BACH2: variants seen among roughly 807,000 people sequenced by gnomAD.
BACH2 encodes BACH transcriptional regulator 2, also known as transcription regulator protein BACH2.
A neutral mutation model predicts 61.8 loss-of-function variants in BACH2; 5 were observed. The observed-to-expected ratio is 0.08, with a 90% CI of 0.04 to 0.17. The LOEUF (loss-of-function observed/expected upper bound fraction) is 0.17, where lower values mean the gene tolerates loss of function less well. Among genes scored for constraint, BACH2 ranks in the 10% least tolerant of loss-of-function variants. The pLI is 1.00. For missense variants in BACH2, 824 were observed against 1,091.1 expected (o/e 0.76, Z 3.45); for synonymous variants, 446 against 440.1 (o/e 1.01, Z -0.17).
chr6:89,986,027 G>C (rs975941697), intron 6 of BACH2, among the ~76,000 whole-genome samples: 4 of 152,166 alleles, frequency 2.6e-5, no homozygotes, highest in Non-Finnish European at 5.9e-5. Context: ...GACTTGTAAG[G>C]CTTTCTTAAG....
chr6:90,025,846 A>G (rs1778606924), intron 5 of BACH2, among the ~76,000 whole-genome samples: 1 of 152,230 alleles, frequency 6.6e-6, no homozygotes, highest in Non-Finnish European at 1.5e-5. Flanking sequence ...ACCCTTCTCC[A>G]TGGGGAAATC....
At chr6:90,028,427 G>A (rs866926839) in intron 5 of BACH2, among the ~76,000 whole-genome samples, 5 of 152,110 alleles carry the variant, frequency 3.3e-5, no homozygotes, top group African/African-American at 1.2e-4. Flanking sequence ...CTCCCATTAC[G>A]GGCTTTTCCT....
At chr6:90,271,592 GAC>G (rs764155594) in intron 2 of BACH2, among the ~76,000 whole-genome samples, 43 of 152,186 alleles carry the variant, frequency 2.8e-4, no homozygotes, top group Middle Eastern at 3.4e-3. Context: ...GACATGAACA[GAC>G]AATTCTCAAA....
At chr6:90,296,314 A>C (rs1582579056) in intron 1 of BACH2, among the ~76,000 whole-genome samples, 166 bp downstream of exon 1, 1 of 151,236 alleles carries the variant, frequency 6.6e-6, no homozygotes, top group African/African-American at 2.4e-5. Context: ...ATGCCATAAA[A>C]GCGGGCAGGG....
intron 4 of BACH2, among the ~76,000 whole-genome samples, chr6:90,169,924 G>A (rs1767755207): frequency 6.6e-6 from 1 of 151,918 alleles, no homozygotes; most frequent in Non-Finnish European, 1.5e-5. Flanking sequence ...GGAATTGGTG[G>A]GCAGAAAAAA....
chr6:89,996,164 G>C (rs537521682), intron 6 of BACH2, among the ~76,000 whole-genome samples: 1 of 152,188 alleles, frequency 6.6e-6, no homozygotes, highest in African/African-American at 2.4e-5. Context: ...CTACGGATAC[G>C]TATCAAGGCC....
At chr6:90,185,997 T>C (rs1177558116) in intron 4 of BACH2, among the ~76,000 whole-genome samples, 1 of 152,214 alleles carries the variant, frequency 6.6e-6, no homozygotes, top group African/African-American at 2.4e-5. Flanking sequence ...AAAATCATAG[T>C]GTATTAATAG....
chr6:89,958,893 C>A (rs1774575948), intron 6 of BACH2, among the ~76,000 whole-genome samples: 1 of 152,136 alleles, frequency 6.6e-6, no homozygotes, highest in Admixed American at 6.5e-5. Context: ...TCCCCTACCA[C>A]AAAACCAGAA....
chr6:90,140,082 A>G (rs1562469457), intron 4 of BACH2, among the ~76,000 whole-genome samples: 1 of 152,162 alleles, frequency 6.6e-6, no homozygotes, highest in East Asian at 1.9e-4. Flanking sequence ...GTCTAAAATG[A>G]TGCTGGTGCT....
chr6:90,055,636 C>T (rs1780300226), intron 5 of BACH2, among the ~76,000 whole-genome samples: 1 of 142,764 alleles, frequency 7.0e-6, no homozygotes, highest in Non-Finnish European at 1.5e-5. Context: ...CACAAAGATA[C>T]TCCTCGAGAA....
At chr6:90,246,746 T>G (rs982242811) in intron 3 of BACH2, among the ~76,000 whole-genome samples, 1 of 152,190 alleles carries the variant, frequency 6.6e-6, no homozygotes, top group Non-Finnish European at 1.5e-5. Flanking sequence ...CAATACAATC[T>G]GATTTACAAA....
chr6:89,972,831 C>T (rs1309659530), intron 6 of BACH2, among the ~76,000 whole-genome samples: 2 of 152,204 alleles, frequency 1.3e-5, no homozygotes, highest in African/African-American at 4.8e-5. Flanking sequence ...TGGCTCAAGC[C>T]TGTAATCCCA....
chr6:90,268,017 T>TG (rs1360784942), intron 2 of BACH2, among the ~76,000 whole-genome samples: 2 of 150,906 alleles, frequency 1.3e-5, no homozygotes, highest in Admixed American at 6.6e-5. Flanking sequence ...TTTGTTTTTT[T>TG]TTTTTTTTCA....
intron 3 of BACH2, among the ~76,000 whole-genome samples, chr6:90,246,760 A>C (rs1207131270): frequency 6.6e-6 from 1 of 152,232 alleles, no homozygotes; most frequent in African/African-American, 2.4e-5. Context: ...TTACAAAATC[A>C]TATTTCAAAA....
Position 90,008,856 on chromosome 6 carries a change from C to G in BACH2, c.-12G>C, listed in dbSNP as rs1035523633. 6.2e-7 allele frequency: 1 copy of G among 1,610,818 alleles called. No homozygotes were observed. Among genetic ancestry groups the G allele is most frequent in the Non-Finnish European group, 8.5e-7 (1 of 1,177,990 alleles). ...TCATCCACAGACATGCCGTTCACAC[C>G]CTGAAAGAAAGAAAGAAACAAAGAA... On this transcript the variant is annotated splice_region_variant and 5_prime_UTR_variant, in exon 6 of 9. An upstream start codon of the reference 5' UTR is lost. Transcript: ENST00000257749. The surrounding 1 kb of genome is among the most constrained non-coding windows in gnomAD (Gnocchi z 4.1).
chr6:90,020,049 T>A (rs1778292541), intron 5 of BACH2, among the ~76,000 whole-genome samples: 2 of 152,236 alleles, frequency 1.3e-5, no homozygotes, highest in Admixed American at 1.3e-4. Flanking sequence ...GAGCTGTTGT[T>A]AGACTAACCT....
chr6:90,080,793 T>C (rs1390604060), intron 5 of BACH2: 1 of 985,092 alleles, frequency 1.0e-6, no homozygotes, highest in Admixed American at 6.2e-5. Context: ...CTAGAGGAAA[T>C]GTTCTTTCAT....
chr6:89,960,366 G>A (rs1325622232), intron 6 of BACH2, among the ~76,000 whole-genome samples: 5 of 152,186 alleles, frequency 3.3e-5, no homozygotes, highest in Admixed American at 1.3e-4. Flanking sequence ...TCTTCCGACC[G>A]CAGAGTTCAA....
At chr6:90,273,640 A>G (rs1402266329) in intron 1 of BACH2, among the ~76,000 whole-genome samples, 1 of 152,112 alleles carries the variant, frequency 6.6e-6, no homozygotes, top group Non-Finnish European at 1.5e-5. Context: ...GCCCACTGTC[A>G]AGGCTCGGGT....
Sources: allele counts gnomAD v4.1 joint callset (sites outside exome capture counted in the v4.1 genomes callset), GRCh38; gene constraint gnomAD v4.1.1; non-coding constraint Gnocchi (gnomAD v3.1); transcripts MANE v1.5; gene names NCBI Gene and HGNC (gene_info 2026-07-23, HGNC 2026-07-21).